RPRD2: variants seen among roughly 807,000 people sequenced by gnomAD.
RPRD2 encodes regulation of nuclear pre-mRNA domain containing 2.
A neutral mutation model predicts 104.4 loss-of-function variants in RPRD2; 12 were observed. The ratio of observed to expected loss-of-function variants is 0.11; its 90% confidence interval spans 0.07 to 0.19. The LOEUF is 0.19. Among genes scored for constraint, RPRD2 ranks in the 10% least tolerant of loss-of-function variants. The pLI is 1.00. For missense variants in RPRD2, 1,543 were observed against 1,790.1 expected, an observed-to-expected ratio of 0.86 and a Z score of 2.49; for synonymous variants, 714 against 684.9, an observed-to-expected ratio of 1.04 and a Z score of -0.66.
chr1:150,456,434 C>T (rs1486996898), intron 7 of RPRD2, among the ~76,000 whole-genome samples: 1 of 151,910 alleles, frequency 6.6e-6, no homozygotes, highest in Non-Finnish European at 1.5e-5. Context: ...TTGTTTTGTG[C>T]CAGCAATGTA....
At chr1:150,369,265 GTTC>G (rs587698492) in intron 1 of RPRD2, among the ~76,000 whole-genome samples, 120 of 151,956 alleles carry the variant, frequency 7.9e-4, no homozygotes, top group African/African-American at 2.7e-3. Context: ...TCTGTACTTC[GTTC>G]TTCTTTCTCT....
chr1:150,396,009 T>G (rs1662492510), intron 1 of RPRD2, among the ~76,000 whole-genome samples: 1 of 152,196 alleles, frequency 6.6e-6, no homozygotes, highest in African/African-American at 2.4e-5. Context: ...CTTCTATTAA[T>G]TTTTGATTTT....
intron 1 of RPRD2, among the ~76,000 whole-genome samples, chr1:150,379,034 G>A (rs1376174477): frequency 2.8e-5 from 4 of 141,462 alleles, no homozygotes; most frequent in Non-Finnish European, 6.1e-5. Context: ...TGTAATCCCA[G>A]TACTTTGGGA....
At chr1:150,415,944 T>C (rs1553888479) in intron 1 of RPRD2, among the ~76,000 whole-genome samples, 1 of 152,204 alleles carries the variant, frequency 6.6e-6, no homozygotes, top group Non-Finnish European at 1.5e-5. Context: ...AGAAGAGATG[T>C]GGTAAAGATT....
chr1:150,462,527 AACCTTT>A, intron 9 of RPRD2, among the ~76,000 whole-genome samples: 1 of 152,110 alleles, frequency 6.6e-6, no homozygotes, highest in Non-Finnish European at 1.5e-5. Context: ...AAGTATATAA[AACCTTT>A]TTAATGGAAT....
In RPRD2 at chr1:150,432,175, T is replaced by TA. The variant is rs59749202; in HGVS notation, c.336-8731dup. Among the ~76,000 whole-genome samples, 265 of 131,198 alleles carry TA rather than the reference T, an allele frequency of 2.0e-3. 1 individual carries two copies. Among genetic ancestry groups the TA allele is most frequent in the East Asian group, 4.1e-3 (18 of 4,402 alleles). The allele number at this position is 131,198 out of a possible 152,430, so 86.1% of individuals were successfully genotyped here. On this transcript the variant is annotated intron_variant, in intron 2 of 10. Transcript: ENST00000369068. The stretch of plus-strand genomic sequence containing the variant: ...GGTGATGGAACAAGACCCTAAATCT[T>TA]AAAAAAAAAAAAAAAAAGAAAGAAA...
At chr1:150,406,001 G>A (rs1213343574) in intron 1 of RPRD2, among the ~76,000 whole-genome samples, 1 of 152,182 alleles carries the variant, frequency 6.6e-6, no homozygotes, top group African/African-American at 2.4e-5. Context: ...CTTCCTTTAA[G>A]TGAAAAGGTT....
At chr1:150,460,966 C>A (rs1271717090) in intron 9 of RPRD2, among the ~76,000 whole-genome samples, 8 of 146,322 alleles carry the variant, frequency 5.5e-5, no homozygotes, top group South Asian at 2.2e-4. Context: ...CTCAGGTGAT[C>A]CACCCATCTT....
chr1:150,438,602 C>T (rs1370250952), intron 2 of RPRD2, among the ~76,000 whole-genome samples: 1 of 151,876 alleles, frequency 6.6e-6, no homozygotes, highest in Non-Finnish European at 1.5e-5. Context: ...GCACTCCAGC[C>T]TGGGTGACAG....
At chr1:150,373,342 T>C (rs972737277) in intron 1 of RPRD2, among the ~76,000 whole-genome samples, 1 of 152,146 alleles carries the variant, frequency 6.6e-6, no homozygotes, top group Non-Finnish European at 1.5e-5. Flanking sequence ...GTTATTCTTG[T>C]TTCTGCTGGA....
chr1:150,431,497 T>TTTTTTTTTTA (rs1665583347), intron 2 of RPRD2, among the ~76,000 whole-genome samples: 14 of 94,582 alleles, frequency 1.5e-4, no homozygotes, highest in East Asian at 5.8e-4. Context: ...TTTTTTTTTT[T>TTTTTTTTTTA]GAGACGGGGT....
intron 1 of RPRD2, among the ~76,000 whole-genome samples, chr1:150,381,713 C>G (rs1243652649): frequency 1.3e-5 from 2 of 151,990 alleles, no homozygotes; most frequent in Non-Finnish European, 2.9e-5. Flanking sequence ...ACCGTGTCAG[C>G]CAGGATGGTC....
At chr1:150,466,712 A>G (rs1668306396) in intron 10 of RPRD2, among the ~76,000 whole-genome samples, 1 of 151,720 alleles carries the variant, frequency 6.6e-6, no homozygotes, top group Non-Finnish European at 1.5e-5. Context: ...CTTTCTGTTC[A>G]GCTTTACTAA....
chr1:150,373,692 T>C (rs1553878939), intron 1 of RPRD2, among the ~76,000 whole-genome samples: 2 of 152,118 alleles, frequency 1.3e-5, no homozygotes, highest in Non-Finnish European at 2.9e-5. Flanking sequence ...AGAAATCTTT[T>C]TTAAAGATAT....
chr1:150,407,352 C>G (rs185763505), intron 1 of RPRD2, among the ~76,000 whole-genome samples: 21 of 152,278 alleles, frequency 1.4e-4, no homozygotes, highest in African/African-American at 4.8e-4. Flanking sequence ...GCATCTCTGA[C>G]TTCTATACAT....
At chr1:150,405,975 G>A (rs189137107) in intron 1 of RPRD2, among the ~76,000 whole-genome samples, 1 of 152,164 alleles carries the variant, frequency 6.6e-6, no homozygotes, top group African/African-American at 2.4e-5. Context: ...ATATGCCAAA[G>A]AAAAGCCGTT....
intron 7 of RPRD2, among the ~76,000 whole-genome samples, chr1:150,450,169 A>G (rs1344021792): frequency 1.3e-5 from 2 of 152,162 alleles, no homozygotes; most frequent in Non-Finnish European, 2.9e-5. Context: ...TCTCACCATT[A>G]TGAAAGATCT....
At chr1:150,368,205 G>GTTTT (rs10572674) in intron 1 of RPRD2, among the ~76,000 whole-genome samples, 4 of 112,734 alleles carry the variant, frequency 3.5e-5, no homozygotes, top group African/African-American at 1.0e-4. Flanking sequence ...CTTATTTCTT[G>GTTTT]TTTTTTTTTT....
chr1:150,432,717 C>T (rs943961047), intron 2 of RPRD2, among the ~76,000 whole-genome samples: 3 of 151,062 alleles, frequency 2.0e-5, no homozygotes, highest in Non-Finnish European at 4.4e-5. Context: ...GTGGCTCACA[C>T]GTGTAATCCT....
Sources: allele counts gnomAD v4.1 joint callset (sites outside exome capture counted in the v4.1 genomes callset), GRCh38; gene constraint gnomAD v4.1.1; transcripts MANE v1.5; gene names NCBI Gene and HGNC (gene_info 2026-07-23, HGNC 2026-07-21).